CSMD1: variants seen among roughly 807,000 people sequenced by gnomAD.
CSMD1 encodes the protein CUB and sushi domain-containing protein 1.
In CSMD1, 213 loss-of-function variants were observed where a neutral mutation model predicts 417.5. That is an observed-to-expected ratio of 0.51 (90% CI 0.46 to 0.57). CSMD1 has a LOEUF of 0.57. CSMD1 is among the 20% of genes least tolerant of loss of function. The probability of loss-of-function intolerance (pLI) is 0.00; values close to 1 mark genes in which losing one functional copy is unlikely to be tolerated. For synonymous variants in CSMD1, 2,862 were observed against 1,736.8 expected, an observed-to-expected ratio of 1.65 and a Z score of -16.11; for missense variants, 6,923 against 4,529.7, an observed-to-expected ratio of 1.53 and a Z score of -15.17.
At chr8:4,050,426 T>C (rs1798365570) in intron 3 of CSMD1, among the ~76,000 whole-genome samples, 1 of 152,172 alleles carries the variant, frequency 6.6e-6, no homozygotes, top group African/African-American at 2.4e-5. Context: ...TTTTTGTTTT[T>C]TGCATATATA....
intron 3 of CSMD1, among the ~76,000 whole-genome samples, chr8:4,163,976 T>C (rs1797311243): frequency 6.6e-6 from 1 of 152,182 alleles, no homozygotes. Context: ...AGGGTGGTGA[T>C]GTGGGATTGA....
At chr8:3,299,507 T>C (rs946997736) in intron 25 of CSMD1, among the ~76,000 whole-genome samples, 7 of 152,244 alleles carry the variant, frequency 4.6e-5, no homozygotes, top group South Asian at 2.1e-4. Context: ...TGATATCAGA[T>C]ACAGGCACGT....
rs1359833144 is a variant in CSMD1 at position 4,267,359 on chromosome 8, G to T, written c.415+152594C>A. Among the ~76,000 whole-genome samples the T allele has an allele frequency of 3.8e-5, 2 of 52,538 alleles. 1 individual carries two copies. The highest frequency in any genetic ancestry group is 7.1e-5 in the African/African-American group (2 of 28,104). 34.5% of individuals were successfully genotyped at this position (52,538 alleles called of 152,430 possible). A position where few individuals can be genotyped will look rare whatever the true frequency, so the allele number is the denominator to read the frequency against. Reference sequence around the variant, plus strand: ...TTAGGATGAAAAAGTAACAATAAGAGTTTAAAAGGGAGTCTTAGGATTAAC... The same window carrying T: ...TTAGGATGAAAAAGTAACAATAAGATTTTAAAAGGGAGTCTTAGGATTAAC... On this transcript the variant is annotated intron_variant, in intron 3 of 69. Transcript: ENST00000635120.
chr8:3,859,696 A>T (rs1462599351), intron 5 of CSMD1, among the ~76,000 whole-genome samples: 1 of 152,160 alleles, frequency 6.6e-6, no homozygotes, highest in Non-Finnish European at 1.5e-5. Flanking sequence ...TCGTGCCTAC[A>T]TAGTGAAGCC....
intron 1 of CSMD1, among the ~76,000 whole-genome samples, chr8:4,746,920 G>C (rs575016654): frequency 2.6e-5 from 4 of 152,218 alleles, no homozygotes; most frequent in Non-Finnish European, 5.9e-5. Flanking sequence ...GGACACTCTA[G>C]TGTAATGAAT....
At chr8:4,812,576 A>G (rs1798970251) in intron 1 of CSMD1, among the ~76,000 whole-genome samples, 1 of 152,066 alleles carries the variant, frequency 6.6e-6, no homozygotes, top group Non-Finnish European at 1.5e-5. Flanking sequence ...TCAATTATAT[A>G]TTAAAGTCAA....
chr8:3,371,179 G>C (rs1490580858), intron 18 of CSMD1, among the ~76,000 whole-genome samples: 1 of 152,162 alleles, frequency 6.6e-6, no homozygotes, highest in Non-Finnish European at 1.5e-5. Flanking sequence ...GCAGAAGGCA[G>C]ATCTTGGGAC....
intron 14 of CSMD1, among the ~76,000 whole-genome samples, chr8:3,406,787 T>C (rs549870141): frequency 6.6e-6 from 1 of 152,368 alleles, no homozygotes; most frequent in South Asian, 2.1e-4. Flanking sequence ...TCTCTCACTT[T>C]ATTCCATCTA....
intron 12 of CSMD1, among the ~76,000 whole-genome samples, chr8:3,435,664 C>T (rs1814512889): frequency 6.6e-6 from 1 of 152,176 alleles, no homozygotes. Context: ...CTGCACGGTG[C>T]CACCCACCTT....
intron 20 of CSMD1, among the ~76,000 whole-genome samples, chr8:3,362,577 T>C (rs142014674): frequency 6.6e-6 from 1 of 152,228 alleles, no homozygotes; most frequent in African/African-American, 2.4e-5. Flanking sequence ...TCTATGCCGA[T>C]GGGTTTCCAG....
chr8:3,133,594 G>C (rs1181401009), intron 41 of CSMD1, among the ~76,000 whole-genome samples: 2 of 152,136 alleles, frequency 1.3e-5, no homozygotes, highest in African/African-American at 2.4e-5. Flanking sequence ...AGAAACCTAT[G>C]GCTGGGCTTT....
At chr8:4,167,492 C>A (rs1253446178) in intron 3 of CSMD1, among the ~76,000 whole-genome samples, 2 of 152,100 alleles carry the variant, frequency 1.3e-5, no homozygotes, top group African/African-American at 4.8e-5. Flanking sequence ...AAAAATTAAA[C>A]CTATAACATT....
intron 5 of CSMD1, among the ~76,000 whole-genome samples, chr8:3,959,084 T>A (rs909729028): frequency 1.3e-5 from 2 of 152,198 alleles, no homozygotes; most frequent in Non-Finnish European, 2.9e-5. Flanking sequence ...GCTCAGCTCT[T>A]AACAACGCCT....
chr8:4,391,039 C>A (rs13261698), intron 3 of CSMD1, among the ~76,000 whole-genome samples: 119,059 of 152,136 alleles, frequency 0.78, 46,983 homozygotes, highest in African/African-American at 0.88. Context: ...CATCTGGGAT[C>A]CTGTTTAAAC....
chr8:3,806,881 T>C (rs1183432864), intron 5 of CSMD1, among the ~76,000 whole-genome samples: 1 of 152,166 alleles, frequency 6.6e-6, no homozygotes, highest in Non-Finnish European at 1.5e-5. Flanking sequence ...TTAACAGTAG[T>C]TAGAGACTTA....
chr8:3,464,870 T>G (rs1816709992), intron 12 of CSMD1, among the ~76,000 whole-genome samples: 1 of 152,180 alleles, frequency 6.6e-6, no homozygotes, highest in South Asian at 2.1e-4. Flanking sequence ...CATTACTTTC[T>G]GACACTTAAC....
intron 24 of CSMD1, 46 bp from the exon 25 acceptor site, chr8:3,307,867 C>T (rs887396390): frequency 6.3e-7 from 1 of 1,589,088 alleles, no homozygotes; most frequent in East Asian, 2.3e-5. Context: ...TCAGGCATCA[C>T]ATGTTTCTAT....
intron 3 of CSMD1, among the ~76,000 whole-genome samples, chr8:4,197,890 G>A (rs1161974595): frequency 6.6e-6 from 1 of 151,830 alleles, no homozygotes; most frequent in Non-Finnish European, 1.5e-5. Flanking sequence ...AAGTTAAGAA[G>A]AAAAAAAGCT....
chr8:3,196,781 C>T (rs1434078935), intron 33 of CSMD1, among the ~76,000 whole-genome samples: 1 of 152,116 alleles, frequency 6.6e-6, no homozygotes, highest in South Asian at 2.1e-4. Flanking sequence ...CTGCTCCTTC[C>T]ATCACTGGAG....
Sources: gnomAD v4.1 joint callset for allele counts (sites outside exome capture counted in the v4.1 genomes callset) on GRCh38, gnomAD v4.1.1 for gene constraint, MANE v1.5 for transcripts, NCBI Gene and HGNC (gene_info 2026-07-23, HGNC 2026-07-21) for gene names.